The following ADAMTS2 variants were observed in gnomAD, a reference collection of about 807,000 sequenced individuals.
The protein encoded by ADAMTS2 is ADAM metallopeptidase with thrombospondin type 1 motif 2.
In ADAMTS2, 50 loss-of-function variants were observed where a neutral mutation model predicts 123.0. The observed-to-expected ratio is 0.41, with a 90% CI of 0.32 to 0.51. The LOEUF is 0.51. ADAMTS2 is among the 20% of genes least tolerant of loss of function. The pLI is 0.35. For missense variants in ADAMTS2, 1,494 were observed against 1,705.2 expected, an observed-to-expected ratio of 0.88 and a Z score of 2.18; for synonymous variants, 678 against 695.4, an observed-to-expected ratio of 0.98 and a Z score of 0.39.
rs1179588893 is a variant in ADAMTS2, at chr5:179,115,764, T to C, written c.3179-1440A>G. The stretch of plus-strand genomic sequence containing the variant: ...GGAGCCACATCTGACAGTTATCCCA[T>C]ACACCAACATATGACACAATCTACA... On this transcript the variant is annotated intron_variant, in intron 21 of 21. Transcript: ENST00000251582. The surrounding 1 kb of genome is among the most constrained non-coding windows in gnomAD (Gnocchi z 4.4). Among the ~76,000 whole-genome samples the C allele has an allele frequency of 6.6e-6, 1 of 152,096 alleles. No homozygotes were observed. Among genetic ancestry groups the C allele is most frequent in the Non-Finnish European group, 1.5e-5 (1 of 68,004 alleles).
chr5:179,200,876 C>G (rs775190206), intron 4 of ADAMTS2, among the ~76,000 whole-genome samples: 3 of 152,108 alleles, frequency 2.0e-5, no homozygotes, highest in African/African-American at 7.2e-5. Context: ...ATGTGACAGA[C>G]AAAAAGTTTA....
chr5:179,325,780 C>G (rs771064300), intron 2 of ADAMTS2, among the ~76,000 whole-genome samples: 15 of 152,278 alleles, frequency 9.9e-5, no homozygotes, highest in Non-Finnish European at 1.9e-4. Flanking sequence ...CCGCATTCCC[C>G]CTTTGGCCCC....
intron 4 of ADAMTS2, among the ~76,000 whole-genome samples, chr5:179,182,749 G>T (rs1764075738): frequency 6.6e-6 from 1 of 152,128 alleles, no homozygotes; most frequent in South Asian, 2.1e-4. Context: ...TTTCCTATAG[G>T]CAAGGGACAA....
intron 2 of ADAMTS2, among the ~76,000 whole-genome samples, chr5:179,335,745 A>G (rs1301984550): frequency 6.6e-6 from 1 of 152,208 alleles, no homozygotes; most frequent in African/African-American, 2.4e-5. Flanking sequence ...AGCAAGCCTT[A>G]GACAAGCCTT....
At chr5:179,137,150 C>T (rs1385901793) in intron 12 of ADAMTS2, among the ~76,000 whole-genome samples, 3 of 152,198 alleles carry the variant, frequency 2.0e-5, no homozygotes, top group Admixed American at 6.5e-5. Context: ...TCTGCTGTGT[C>T]ACCTCCAACC....
Position 179,225,295 on chromosome 5 carries a change from A to G in ADAMTS2, c.689-17580T>C, listed in dbSNP as rs78834048. 3.0e-3 allele frequency among the ~76,000 whole-genome samples: 456 copies of G among 152,356 alleles called. 10 individuals are homozygous for G. In the East Asian group the frequency reaches 0.075, roughly 25 times the overall value. The stretch of plus-strand genomic sequence containing the variant: ...ACAAATCAACAGGAAACAATCCAGC[A>G]ATCCAAAAGGGAAATGGACAAACGG... On this transcript the variant is annotated intron_variant, in intron 3 of 21. Transcript: ENST00000251582. The surrounding 1 kb of genome is among the most constrained non-coding windows in gnomAD (Gnocchi z 4.5).
chr5:179,342,927 C>A (rs1398602451), intron 2 of ADAMTS2, among the ~76,000 whole-genome samples: 1 of 152,246 alleles, frequency 6.6e-6, no homozygotes, highest in Non-Finnish European at 1.5e-5. Flanking sequence ...AGTCACAGGA[C>A]TAGAGAGGCG....
chr5:179,267,979 C>T (rs903246672), intron 3 of ADAMTS2, among the ~76,000 whole-genome samples: 1 of 152,238 alleles, frequency 6.6e-6, no homozygotes, highest in African/African-American at 2.4e-5. Flanking sequence ...CCTGCCAAGC[C>T]AGCTGTTGCC....
rs1764454401 is a variant in ADAMTS2, at chr5:179,197,551, T to C, written c.891+9962A>G. 6.6e-6 allele frequency among the ~76,000 whole-genome samples: 1 copy of C among 152,116 alleles called. No homozygotes were observed. The highest frequency in any genetic ancestry group is 2.4e-5 in the African/African-American group (1 of 41,428). ...ATTGAGTCCACCATGCAGCATAGCA[T>C]GAACCTGTCTCTAAAACAAATCTTT... On this transcript the variant is annotated intron_variant, in intron 4 of 21. Coordinates refer to ENST00000251582, the MANE Select transcript of ADAMTS2 (RefSeq NM_014244.5). The surrounding 1 kb of genome is among the most constrained non-coding windows in gnomAD (Gnocchi z 4.2).
chr5:179,334,477 A>G (rs1479428993), intron 2 of ADAMTS2, among the ~76,000 whole-genome samples: 1 of 152,256 alleles, frequency 6.6e-6, no homozygotes, highest in East Asian at 1.9e-4. Flanking sequence ...ACGAGAATTC[A>G]GAGGATATTG....
chr5:179,148,482 G>A (rs775888988), intron 10 of ADAMTS2, among the ~76,000 whole-genome samples: 8 of 152,186 alleles, frequency 5.3e-5, no homozygotes, highest in Non-Finnish European at 7.3e-5. Context: ...AGAGCTGCAC[G>A]TGGCGCTGGC....
At chr5:179,204,947 C>A (rs911895956) in intron 4 of ADAMTS2, among the ~76,000 whole-genome samples, 7 of 152,252 alleles carry the variant, frequency 4.6e-5, no homozygotes, top group Non-Finnish European at 8.8e-5. Context: ...GGACAACAGA[C>A]ACGGCCCAAA....
At chr5:179,270,553 C>T (rs1215516880) in intron 3 of ADAMTS2, among the ~76,000 whole-genome samples, 1 of 152,214 alleles carries the variant, frequency 6.6e-6, no homozygotes, top group Non-Finnish European at 1.5e-5. Flanking sequence ...GCACCCAGGT[C>T]CTGGAGTTGT....
chr5:179,127,104 C>T (rs1055374806), intron 17 of ADAMTS2, among the ~76,000 whole-genome samples: 10 of 152,176 alleles, frequency 6.6e-5, no homozygotes, highest in Non-Finnish European at 1.0e-4. Context: ...TGTGTTCCCT[C>T]AAACGGTTAC....
chr5:179,265,046 T>C (rs1766331386), intron 3 of ADAMTS2, among the ~76,000 whole-genome samples: 1 of 152,226 alleles, frequency 6.6e-6, no homozygotes, highest in African/African-American at 2.4e-5. Context: ...CTGAGCACAC[T>C]GAACCCTGCA....
chr5:179,154,936 G>C lies in ADAMTS2; in HGVS notation c.1133-17C>G. The C allele has an allele frequency of 6.2e-7, 1 of 1,607,804 alleles. No homozygotes were observed. The highest frequency in any genetic ancestry group is 8.5e-7 in the Non-Finnish European group (1 of 1,177,190). On this transcript the variant is annotated splice_polypyrimidine_tract_variant and intron_variant, in intron 6 of 21. Transcript: ENST00000251582. Reference sequence around the variant, plus strand: ...GAGCATAGCCTGGGAGGAGACAAGAGGCGGCTCCAGATGCTGCCATAGCCT... The same window carrying C: ...GAGCATAGCCTGGGAGGAGACAAGACGCGGCTCCAGATGCTGCCATAGCCT...
intron 13 of ADAMTS2, among the ~76,000 whole-genome samples, chr5:179,133,458 C>T (rs192945038): frequency 3.0e-4 from 46 of 151,634 alleles, no homozygotes; most frequent in African/African-American, 1.1e-3. Context: ...TTTAGTACAA[C>T]GGGGTTTCAC....
intron 3 of ADAMTS2, among the ~76,000 whole-genome samples, chr5:179,263,823 C>T (rs1362107042): frequency 6.6e-6 from 1 of 152,258 alleles, no homozygotes; most frequent in Non-Finnish European, 1.5e-5. Flanking sequence ...CATCTGACTG[C>T]GCGACCTTTC....
intron 21 of ADAMTS2, chr5:179,120,152 C>A (rs1051042326): frequency 3.3e-5 from 5 of 152,154 alleles, no homozygotes; most frequent in Admixed American, 1.3e-4. Flanking sequence ...AAGGAGCCAT[C>A]AGCTTGCCAA....
Sources: allele counts gnomAD v4.1 joint callset (sites outside exome capture counted in the v4.1 genomes callset), GRCh38; gene constraint gnomAD v4.1.1; non-coding constraint Gnocchi (gnomAD v3.1); transcripts MANE v1.5; gene names NCBI Gene and HGNC (gene_info 2026-07-23, HGNC 2026-07-21).